Variants in MYH9 observed in about 807,000 individuals in gnomAD.
MYH9 encodes the protein myosin-9.
MYH9 carries 29 observed loss-of-function variants against 241.9 expected under a neutral mutation model. The observed-to-expected ratio is 0.12, with a 90% CI of 0.09 to 0.16. MYH9 has a LOEUF of 0.16. Ranked by LOEUF, MYH9 falls within the 10% of genes least tolerant of loss-of-function variation. MYH9 has a pLI of 1.00. For synonymous variants in MYH9, 1,047 were observed against 1,062.6 expected (o/e 0.99, Z 0.29); for missense variants, 1,803 against 2,595.5 (o/e 0.69, Z 6.63).
At chr22:36,339,457 G>T (rs1351551850) in intron 3 of MYH9, among the ~76,000 whole-genome samples, 1 of 152,182 alleles carries the variant, frequency 6.6e-6, no homozygotes. Context: ...TTTTGAAACA[G>T]ACATTCTACT....
Position 36,285,964 on chromosome 22 carries a change from G to C in MYH9, c.5062-11C>G. 1 of 1,609,502 alleles carries C rather than the reference G, an allele frequency of 6.2e-7. No homozygotes were observed. The highest frequency in any genetic ancestry group is 1.3e-5 in the African/African-American group (1 of 74,964). ...CGCGGCTGCCAGTTCCTGCCACAAA[G>C]ACCCAGAGTGTGACCTAAAGGCAGC... is the stretch of plus-strand genomic sequence containing the variant. On this transcript the variant is annotated splice_polypyrimidine_tract_variant and intron_variant, in intron 35 of 40. Coordinates refer to ENST00000216181, the MANE Select transcript of MYH9 (RefSeq NM_002473.6). The surrounding 1 kb of genome is among the most constrained non-coding windows in gnomAD (Gnocchi z 7.0).
chr22:36,357,557 G>T (rs891479448), intron 1 of MYH9, among the ~76,000 whole-genome samples: 5 of 152,140 alleles, frequency 3.3e-5, no homozygotes, highest in Admixed American at 6.5e-5. Context: ...CACCAAAGGT[G>T]GAAATTGGGG....
At chr22:36,307,210 A>G (rs561048007) in intron 15 of MYH9, among the ~76,000 whole-genome samples, 2 of 152,280 alleles carry the variant, frequency 1.3e-5, no homozygotes, top group South Asian at 4.1e-4. Flanking sequence ...TAAATACTCC[A>G]AAGTTTAGGG....
In MYH9 at chr22:36,282,444, T is replaced by G; in HGVS notation, c.*224A>C. The G allele has an allele frequency of 1.5e-6, 1 of 662,590 alleles. No homozygotes were observed. The highest frequency in any genetic ancestry group is 2.7e-6 in the Non-Finnish European group (1 of 366,010). The allele number at this position is 662,590 out of a possible 1,614,324, so 41.0% of individuals were successfully genotyped here. A position where few individuals can be genotyped will look rare whatever the true frequency, so the allele number is the denominator to read the frequency against. ...GGGCCCGGGCCCTGTCTCTTTGGTA[T>G]CAGATTCTGAGCAGGGGAGGGAGCT... On this transcript the variant is annotated 3_prime_UTR_variant, in exon 41 of 41. Coordinates refer to ENST00000216181, the MANE Select transcript of MYH9 (RefSeq NM_002473.6).
chr22:36,380,190 G>GAA (rs1054732544), intron 1 of MYH9, among the ~76,000 whole-genome samples: 8 of 152,304 alleles, frequency 5.3e-5, no homozygotes, highest in African/African-American at 1.9e-4. Context: ...CTTCACTCAG[G>GAA]AAAGGAGTCA....
intron 1 of MYH9, among the ~76,000 whole-genome samples, chr22:36,367,301 G>A (rs907876842): frequency 1.3e-5 from 2 of 152,156 alleles, no homozygotes; most frequent in Non-Finnish European, 2.9e-5. Context: ...CTCCTGCACT[G>A]CTCTGGGGTG....
chr22:36,325,705 T>C (rs140174364), intron 5 of MYH9, among the ~76,000 whole-genome samples: 87 of 152,308 alleles, frequency 5.7e-4, no homozygotes, highest in African/African-American at 2.1e-3. Flanking sequence ...CGGGGTCAGG[T>C]TCCGCATGGG....
At chr22:36,289,607 G>C (rs1012548303) in intron 31 of MYH9, among the ~76,000 whole-genome samples, 2 of 152,224 alleles carry the variant, frequency 1.3e-5, no homozygotes, top group African/African-American at 4.8e-5. Context: ...CTCCAAACCT[G>C]TAAGAGCTTT....
chr22:36,304,885 C>G (rs1569535338), intron 18 of MYH9, 148 bp downstream of exon 18: 2 of 797,814 alleles, frequency 2.5e-6, no homozygotes, highest in East Asian at 5.2e-5. Context: ...GCAAAGGGCG[C>G]CCGGCAGAGT....
At chr22:36,302,128 C>T (rs942037772) in intron 20 of MYH9, among the ~76,000 whole-genome samples, 3 of 152,084 alleles carry the variant, frequency 2.0e-5, no homozygotes, top group African/African-American at 4.8e-5. Context: ...AGAAAAAGAG[C>T]GAGAAATTAA....
At chr22:36,354,968 C>CACACACACACACACACAT (rs2017831931) in intron 1 of MYH9, among the ~76,000 whole-genome samples, 34 of 148,278 alleles carry the variant, frequency 2.3e-4, no homozygotes, top group African/African-American at 8.3e-4. Context: ...CACACACACA[C>CACACACACACACACACAT]ACACACACAC....
Position 36,371,275 on chromosome 22 carries a change from C to T in MYH9, c.-20+16532G>A, listed in dbSNP as rs570157878. The stretch of plus-strand genomic sequence containing the variant: ...GTAATTAAGTTAAAATGAGGTCCTT[C>T]GGGTAGGCCCTAATCCCATGGCTGG... On this transcript the variant is annotated intron_variant, in intron 1 of 40. Coordinates refer to ENST00000216181, the MANE Select transcript of MYH9 (RefSeq NM_002473.6). 1.1e-4 allele frequency among the ~76,000 whole-genome samples: 16 copies of T among 152,276 alleles called. No individual in the cohort carries two copies. The South Asian group carries it at 3.3e-3, about 32-fold the overall frequency.
intron 40 of MYH9, 129 bp from the exon 41 acceptor site, chr22:36,282,914 A>T: frequency 1.3e-6 from 1 of 796,130 alleles, no homozygotes; most frequent in South Asian, 1.7e-5. Flanking sequence ...ACCAGAAAGA[A>T]GCAAAGTGGA....
At chr22:36,350,612 T>C (rs1390208459) in intron 1 of MYH9, among the ~76,000 whole-genome samples, 2 of 152,258 alleles carry the variant, frequency 1.3e-5, no homozygotes, top group African/African-American at 4.8e-5. Flanking sequence ...TTCACACATA[T>C]TTCGCTATCT....
chr22:36,289,876 G>A (rs116819785), intron 31 of MYH9, among the ~76,000 whole-genome samples: 5,756 of 152,192 alleles, frequency 0.038, 122 homozygotes, highest in South Asian at 0.061. Context: ...AGAGTATGCA[G>A]GCCCTACAGT....
chr22:36,373,825 A>C (rs2018123886), intron 1 of MYH9, among the ~76,000 whole-genome samples: 1 of 152,240 alleles, frequency 6.6e-6, no homozygotes, highest in African/African-American at 2.4e-5. Flanking sequence ...CTCAGTGGAC[A>C]TAAGAGGGTC....
At chr22:36,302,529 C>T (rs375306600) in intron 20 of MYH9, 39 bp downstream of exon 20, 161 of 1,518,286 alleles carry the variant, frequency 1.1e-4, no homozygotes, top group South Asian at 2.1e-4. Context: ...GGTGTGCACC[C>T]GTAGTCCCAG....
chr22:36,342,662 G>A (rs989119956), intron 2 of MYH9, among the ~76,000 whole-genome samples: 44 of 151,146 alleles, frequency 2.9e-4, no homozygotes, highest in Middle Eastern at 3.5e-3. Flanking sequence ...TAAAAGCTGC[G>A]CAAGACTCCC....
At chr22:36,342,650 C>T (rs182284130) in intron 2 of MYH9, among the ~76,000 whole-genome samples, 5 of 152,162 alleles carry the variant, frequency 3.3e-5, no homozygotes, top group Non-Finnish European at 7.4e-5. Context: ...AAAAAAGATT[C>T]CTAAAAGCTG....
Sources: allele counts gnomAD v4.1 joint callset (sites outside exome capture counted in the v4.1 genomes callset), GRCh38; gene constraint gnomAD v4.1.1; non-coding constraint Gnocchi (gnomAD v3.1); transcripts MANE v1.5; gene names NCBI Gene and HGNC (gene_info 2026-07-23, HGNC 2026-07-21).